Variants in TRIM24 observed in about 807,000 individuals in gnomAD.
TRIM24 encodes transcription intermediary factor 1-alpha.
Under a neutral mutation model 123.9 loss-of-function variants are expected in TRIM24, and 29 were observed. The ratio of observed to expected loss-of-function variants is 0.23; its 90% CI spans 0.17 to 0.32. TRIM24 has a LOEUF of 0.32. TRIM24 is among the 10% of genes least tolerant of loss of function. The pLI is 1.00. For missense variants in TRIM24, 932 were observed against 1,295.3 expected (o/e 0.72, Z 4.31); for synonymous variants, 456 against 461.1 (o/e 0.99, Z 0.14).
At chr7:138,563,234 G>T (rs909583724) in intron 9 of TRIM24, among the ~76,000 whole-genome samples, 6 of 152,194 alleles carry the variant, frequency 3.9e-5, no homozygotes, top group African/African-American at 1.4e-4. Flanking sequence ...ACCCCGATCA[G>T]GTCGGTATCT....
intron 11 of TRIM24, among the ~76,000 whole-genome samples, chr7:138,572,612 C>A (rs982605380): frequency 6.6e-6 from 1 of 152,060 alleles, no homozygotes; most frequent in Non-Finnish European, 1.5e-5. Context: ...ATAACTAGTA[C>A]CATTCTAGGT....
At chr7:138,466,895 C>T (rs1406779343) in intron 1 of TRIM24, among the ~76,000 whole-genome samples, 1 of 152,072 alleles carries the variant, frequency 6.6e-6, no homozygotes, top group Non-Finnish European at 1.5e-5. Flanking sequence ...AGATTTTCTC[C>T]ACTTTTTAAC....
At chr7:138,573,208 C>T (rs1469725811) in intron 11 of TRIM24, among the ~76,000 whole-genome samples, 2 of 152,160 alleles carry the variant, frequency 1.3e-5, no homozygotes, top group Admixed American at 1.3e-4. Flanking sequence ...ATATGGCAAG[C>T]TTTTGTCGTT....
intron 13 of TRIM24, among the ~76,000 whole-genome samples, chr7:138,577,150 TA>T (rs1797776972): frequency 1.3e-5 from 2 of 152,234 alleles, no homozygotes; most frequent in Non-Finnish European, 2.9e-5. Flanking sequence ...TCTGGTTGCC[TA>T]ATTGTAAAGC....
At chr7:138,476,964 GA>G (rs1457284651) in intron 1 of TRIM24, among the ~76,000 whole-genome samples, 10 of 152,162 alleles carry the variant, frequency 6.6e-5, no homozygotes, top group African/African-American at 2.4e-4. Context: ...GAATGAAAAA[GA>G]TATGAATACT....
intron 4 of TRIM24, among the ~76,000 whole-genome samples, chr7:138,523,615 C>T (rs762196487): frequency 2.0e-5 from 3 of 151,924 alleles, no homozygotes; most frequent in Non-Finnish European, 2.9e-5. Context: ...ATTAGCCAGG[C>T]GTGGTGGTGG....
chr7:138,541,837 C>T (rs1306263856), intron 7 of TRIM24, among the ~76,000 whole-genome samples: 1 of 152,228 alleles, frequency 6.6e-6, no homozygotes, highest in African/African-American at 2.4e-5. Flanking sequence ...TAACTTGCTG[C>T]AGCTTCTACA....
chr7:138,555,559 T>G (rs1165419932), intron 9 of TRIM24, among the ~76,000 whole-genome samples: 1 of 150,906 alleles, frequency 6.6e-6, no homozygotes, highest in Non-Finnish European at 1.5e-5. Context: ...CTCAGCTCAC[T>G]ACAACCTCTG....
chr7:138,536,716 A>G (rs1796883689), intron 6 of TRIM24, among the ~76,000 whole-genome samples: 1 of 152,192 alleles, frequency 6.6e-6, no homozygotes, highest in African/African-American at 2.4e-5. Flanking sequence ...ACTCCGTGCT[A>G]GGAGAACCAC....
intron 7 of TRIM24, among the ~76,000 whole-genome samples, chr7:138,544,401 A>G (rs1227605273): frequency 6.6e-6 from 1 of 152,092 alleles, no homozygotes; most frequent in Non-Finnish European, 1.5e-5. Flanking sequence ...ATCTACTGCA[A>G]TTTATTTGTC....
At chr7:138,510,225 C>T (rs1796256751) in intron 2 of TRIM24, among the ~76,000 whole-genome samples, 1 of 152,026 alleles carries the variant, frequency 6.6e-6, no homozygotes, top group African/African-American at 2.4e-5. Flanking sequence ...TTGTTAGACT[C>T]GAATGTGAAA....
chr7:138,517,105 C>CAA (rs72395393), intron 3 of TRIM24, among the ~76,000 whole-genome samples: 5 of 130,326 alleles, frequency 3.8e-5, no homozygotes, highest in Non-Finnish European at 5.0e-5. Context: ...ATCCTGTCTC[C>CAA]AAAAAAAAAA....
chr7:138,484,131 C>T (rs1251888002), intron 1 of TRIM24, among the ~76,000 whole-genome samples: 10 of 148,578 alleles, frequency 6.7e-5, no homozygotes, highest in African/African-American at 2.0e-4. Context: ...TTTTTTGAGA[C>T]GGAGTTTCGC....
At chr7:138,580,811 ATT>A in intron 16 of TRIM24, 117 bp downstream of exon 16, 1 of 987,036 alleles carries the variant, frequency 1.0e-6, no homozygotes, top group Non-Finnish European at 1.4e-6. Context: ...ATTTAAGAGT[ATT>A]TTTTTTTGTT....
intron 7 of TRIM24, among the ~76,000 whole-genome samples, chr7:138,544,885 G>T (rs1263891144): frequency 1.3e-5 from 2 of 152,142 alleles, no homozygotes; most frequent in African/African-American, 4.8e-5. Context: ...CTATTGAGTT[G>T]TGTGAGTTTC....
Position 138,529,169 on chromosome 7 carries a change from C to G in TRIM24, c.935C>G (p.Ala312Gly). Residue 312 changes from alanine to glycine, a missense_variant, in exon 6 of 19, where the codon GCT (alanine) becomes GGT (glycine). Transcript: ENST00000343526. ...QKQVEQDIKV[A>G]IFTLMVEINK... is the part of the protein sequence containing the mutation. ...CAGGTGGAACAGGATATTAAAGTTG[C>G]TATATTTACACTGATGGTAGAAATA... is the stretch of plus-strand genomic sequence containing the variant. The G allele has an allele frequency of 6.3e-7, 1 of 1,578,780 alleles. No homozygotes were observed. Among genetic ancestry groups the G allele is most frequent in the Non-Finnish European group, 8.6e-7 (1 of 1,166,076 alleles).
rs1163807155 is a variant in TRIM24, at chr7:138,554,203, G to A, written c.1262-495G>A. ...CACACATTCTTCTTAGGCCATACAG[G>A]GTCACTCACAGGGTACACTTAAGTT... On this transcript the variant is annotated intron_variant, in intron 8 of 18. Coordinates refer to ENST00000343526, the MANE Select transcript of TRIM24 (RefSeq NM_015905.3). This position sits in a 1 kb window ranked among gnomAD's most constrained non-coding sequence, Gnocchi z 4.5. Among the ~76,000 whole-genome samples, 1 of 152,038 alleles carries A rather than the reference G, an allele frequency of 6.6e-6. No homozygotes were observed. Among genetic ancestry groups the A allele is most frequent in the Non-Finnish European group, 1.5e-5 (1 of 68,008 alleles).
rs555932007 is a variant in TRIM24 at position 138,482,890 on chromosome 7, G to T, written c.365-21400G>T. Reference sequence around the variant, plus strand: ...AATGCTGAGAGCTTTTGGCCACTGTGCCTGGCCCAAATATGTTTTATGTCT... The same window carrying T: ...AATGCTGAGAGCTTTTGGCCACTGTTCCTGGCCCAAATATGTTTTATGTCT... On this transcript the variant is annotated intron_variant, in intron 1 of 18. Coordinates refer to ENST00000343526, the MANE Select transcript of TRIM24 (RefSeq NM_015905.3). 4.1e-4 allele frequency among the ~76,000 whole-genome samples: 63 copies of T among 152,086 alleles called. 1 individual carries two copies. The highest frequency in any genetic ancestry group is 1.5e-3 in the African/African-American group (62 of 41,490).
Position 138,585,743 on chromosome 7 carries a change from G to C in TRIM24, c.*792G>C, listed in dbSNP as rs1353014499. 2.0e-6 allele frequency: 1 copy of C among 511,106 alleles called. No individual in the cohort carries two copies. The highest frequency in any genetic ancestry group is 3.9e-6 in the Non-Finnish European group (1 of 257,890). The allele number at this position is 511,106 out of a possible 1,614,324, so 31.7% of individuals were successfully genotyped here. A position where few individuals can be genotyped will look rare whatever the true frequency, so the allele number is the denominator to read the frequency against. On this transcript the variant is annotated 3_prime_UTR_variant, in exon 19 of 19. Transcript: ENST00000343526. The stretch of plus-strand genomic sequence containing the variant: ...TTGGGTTTGCTGTGTGTCTATGTGA[G>C]GTTTAATTGTACAGGTGATCCTTTT...
Sources: allele counts gnomAD v4.1 joint callset (sites outside exome capture counted in the v4.1 genomes callset), GRCh38; gene constraint gnomAD v4.1.1; non-coding constraint Gnocchi (gnomAD v3.1); transcripts MANE v1.5; gene names NCBI Gene and HGNC (gene_info 2026-07-23, HGNC 2026-07-21).